Variants in PRPSAP2 observed in about 807,000 individuals in gnomAD.
The protein encoded by PRPSAP2 is phosphoribosyl pyrophosphate synthase-associated protein 2.
In PRPSAP2, 24 loss-of-function variants were observed where a neutral mutation model predicts 40.6. The ratio of observed to expected loss-of-function variants is 0.59; its 90% CI spans 0.43 to 0.83. The LOEUF (loss-of-function observed/expected upper bound fraction) is 0.83. Ranked by LOEUF, PRPSAP2 falls within the 40% of genes least tolerant of loss-of-function variation. PRPSAP2 has a pLI of 0.00. For synonymous variants in PRPSAP2, 149 were observed against 164.7 expected (o/e 0.90, Z 0.73); for missense variants, 292 against 465.6 (o/e 0.63, Z 3.43).
chr17:18,912,377 T>G (rs1344285717), intron 9 of PRPSAP2, among the ~76,000 whole-genome samples: 1 of 152,054 alleles, frequency 6.6e-6, no homozygotes, highest in Non-Finnish European at 1.5e-5. Context: ...GCCCTACCTC[T>G]TAATACCACC....
intron 8 of PRPSAP2, among the ~76,000 whole-genome samples, chr17:18,890,582 G>A (rs1217985326): frequency 6.6e-6 from 1 of 152,202 alleles, no homozygotes; most frequent in Non-Finnish European, 1.5e-5. Flanking sequence ...AAAGTGCTGG[G>A]ATTACAGGCA....
chr17:18,882,142 G>A (rs1013401427), intron 6 of PRPSAP2, among the ~76,000 whole-genome samples: 1 of 152,046 alleles, frequency 6.6e-6, no homozygotes, highest in Non-Finnish European at 1.5e-5. Flanking sequence ...CCCGGCTGGA[G>A]AGCAATTTTT....
rs114356772 is a variant in PRPSAP2, at chr17:18,874,071, G to A, written c.239+1422G>A. Among the ~76,000 whole-genome samples the A allele has an allele frequency of 3.9e-3, 597 of 152,020 alleles. 4 individuals are homozygous for A. Among genetic ancestry groups the A allele is most frequent in the African/African-American group, 0.014 (563 of 41,474 alleles). On this transcript the variant is annotated intron_variant, in intron 5 of 11. Transcript: ENST00000268835. ...AGGCATGCACCAGCATGCTCACCTC[G>A]TTTTTTCATTTTTTGTAGAGATGGA...
intron 11 of PRPSAP2, 34 bp from the exon 12 acceptor site, chr17:18,930,506 C>G (rs759046824): frequency 2.5e-6 from 4 of 1,599,172 alleles, no homozygotes; most frequent in Non-Finnish European, 2.6e-6. Flanking sequence ...ACTTGGCTTT[C>G]TGATGCTGTG....
intron 6 of PRPSAP2, among the ~76,000 whole-genome samples, chr17:18,880,399 T>G (rs2038643449): frequency 6.6e-6 from 1 of 152,200 alleles, no homozygotes; most frequent in African/African-American, 2.4e-5. Context: ...GCAGTTTGTC[T>G]TGATATCTTT....
At position 18,897,431 on chromosome 17, in the gene PRPSAP2, A is replaced by G. The variant is rs371802994; in HGVS notation, c.584+7554A>G. ...TTTAGGGTCCTTATTCTGCCATTCT[A>G]GAGTGGTGCTTCTCTATAGTGGTGT... On this transcript the variant is annotated intron_variant, in intron 8 of 11. Transcript: ENST00000268835. 6.3e-5 allele frequency among the ~76,000 whole-genome samples: 9 copies of G among 143,530 alleles called. No individual in the cohort carries two copies. In the East Asian group the frequency reaches 1.0e-3, roughly 16 times the overall value. The allele number at this position is 143,530 out of a possible 152,430, so 94.2% of individuals were successfully genotyped here.
Position 18,889,840 on chromosome 17 carries a change from G to A in PRPSAP2, c.547G>A (p.Ala183Thr). 2 of 1,610,178 alleles carry A rather than the reference G, an allele frequency of 1.2e-6. No homozygotes were observed. The highest frequency in any genetic ancestry group is 1.7e-6 in the Non-Finnish European group (2 of 1,178,090). Residue 183 changes from alanine to threonine, a missense_variant, in exon 8 of 12, where the codon GCA (alanine) becomes ACA (threonine). Ala to Thr is a moderately conservative substitution (Grantham distance 58). Coordinates refer to ENST00000268835, the MANE Select transcript of PRPSAP2 (RefSeq NM_002767.4). The stretch of plus-strand genomic sequence containing the variant: ...GTCACAGATCCCAGATTACAGGAAT[G>A]CAGTAATCGTGGCCAAGTCTCCAGC... ...IQEEIPDYRNAVIVAKSPASA... is the reference protein window; with the variant it reads ...IQEEIPDYRNTVIVAKSPASA...
At chr17:18,868,008 C>T (rs2037554019) in intron 4 of PRPSAP2, among the ~76,000 whole-genome samples, 1 of 151,802 alleles carries the variant, frequency 6.6e-6, no homozygotes, top group African/African-American at 2.4e-5. Flanking sequence ...TGGTGGTTTG[C>T]ACTTGTAGTC....
intron 9 of PRPSAP2, among the ~76,000 whole-genome samples, chr17:18,913,760 C>T (rs897825767): frequency 1.8e-4 from 27 of 151,274 alleles, no homozygotes; most frequent in Non-Finnish European, 3.4e-4. Context: ...GTTGCCCAGG[C>T]TGGTCTTGAA....
intron 9 of PRPSAP2, among the ~76,000 whole-genome samples, chr17:18,919,436 AG>A (rs1178092965): frequency 1.3e-5 from 2 of 152,032 alleles, no homozygotes; most frequent in South Asian, 2.1e-4. Context: ...TGAACCCAGG[AG>A]GCAGAGGTTG....
At chr17:18,907,071 T>G (rs2040641420) in intron 8 of PRPSAP2, among the ~76,000 whole-genome samples, 1 of 151,986 alleles carries the variant, frequency 6.6e-6, no homozygotes, top group African/African-American at 2.4e-5. Flanking sequence ...AATCCTTAAT[T>G]TTTTGTTTGT....
At chr17:18,867,198 T>C (rs963766288) in intron 3 of PRPSAP2, 84 bp from the exon 4 acceptor site, 21 of 1,292,438 alleles carry the variant, frequency 1.6e-5, no homozygotes, top group Non-Finnish European at 2.2e-5. Context: ...TTTACTCTTA[T>C]CGATTTACGA....
chr17:18,930,528 T>G lies in PRPSAP2; in HGVS notation c.952-12T>G. ...TTTCTGATGCTGTGGTTTTTTTTCT[T>G]TTGCTTCACAGGTGGTGGTCACCAA... On this transcript the variant is annotated splice_polypyrimidine_tract_variant and intron_variant, in intron 11 of 11. Transcript: ENST00000268835. 6.2e-7 allele frequency: 1 copy of G among 1,604,978 alleles called. No individual in the cohort carries two copies. The highest frequency in any genetic ancestry group is 2.2e-5 in the East Asian group (1 of 44,790).
At position 18,930,911 on chromosome 17, in the gene PRPSAP2, TC is replaced by T; in HGVS notation, c.*215del. 2.7e-6 allele frequency: 1 copy of T among 373,124 alleles called. No homozygotes were observed. The highest frequency in any genetic ancestry group is 4.7e-6 in the Non-Finnish European group (1 of 210,660). 23.1% of individuals were successfully genotyped at this position (373,124 alleles called of 1,614,324 possible). ...TTTTTATAAAAGAAAAACTTTATTC[TC>T]CTCTTTTGAAAAGGTAAGACCTCGT... On this transcript the variant is annotated 3_prime_UTR_variant, in exon 12 of 12. Transcript: ENST00000268835.
chr17:18,872,746 C>T, intron 5 of PRPSAP2, 97 bp downstream of exon 5: 2 of 949,868 alleles, frequency 2.1e-6, no homozygotes, highest in Middle Eastern at 2.2e-4. Context: ...TTATAATAGT[C>T]TTAAAATTAG....
chr17:18,922,744 G>T lies in PRPSAP2; in HGVS notation c.734-1170G>T, dbSNP rs185962674. Among the ~76,000 whole-genome samples the T allele has an allele frequency of 1.1e-4, 16 of 146,622 alleles. No homozygotes were observed. In the East Asian group the frequency reaches 3.2e-3, roughly 29 times the overall value. On this transcript the variant is annotated intron_variant, in intron 9 of 11. Transcript: ENST00000268835. The stretch of plus-strand genomic sequence containing the variant: ...GCTGGAGTGCAGTGGTGCAATCGTG[G>T]CTCACTGGAGCCTTGACCTCCCGGG...
intron 6 of PRPSAP2, among the ~76,000 whole-genome samples, chr17:18,880,458 G>T (rs1422426207): frequency 1.3e-5 from 2 of 152,054 alleles, no homozygotes; most frequent in Admixed American, 1.3e-4. Flanking sequence ...GGGTGCAGTG[G>T]TGTGATCACT....
chr17:18,911,971 T>C lies in PRPSAP2; in HGVS notation c.733+720T>C, dbSNP rs1012251618. ...GCCGAGGCGGGTGAATCACCTGAGGTCAGGAGTTCGAGACCAGCCTGATCC... is the reference window on the plus strand; with the variant it reads ...GCCGAGGCGGGTGAATCACCTGAGGCCAGGAGTTCGAGACCAGCCTGATCC... On this transcript the variant is annotated intron_variant, in intron 9 of 11. Transcript: ENST00000268835. This position sits in a 1 kb window ranked among gnomAD's most constrained non-coding sequence, Gnocchi z 4.5. Among the ~76,000 whole-genome samples the C allele has an allele frequency of 4.6e-5, 7 of 151,724 alleles. No homozygotes were observed. Among genetic ancestry groups the C allele is most frequent in the African/African-American group, 1.5e-4 (6 of 41,246 alleles).
chr17:18,899,397 T>C (rs547425819), intron 8 of PRPSAP2, among the ~76,000 whole-genome samples: 2 of 152,112 alleles, frequency 1.3e-5, no homozygotes, highest in Non-Finnish European at 2.9e-5. Context: ...CAGCCATTGT[T>C]CTCTCTGTTG....
Sources: gnomAD v4.1 joint callset for allele counts (sites outside exome capture counted in the v4.1 genomes callset) on GRCh38, gnomAD v4.1.1 for gene constraint, Gnocchi (gnomAD v3.1) non-coding constraint, MANE v1.5 for transcripts, NCBI Gene and HGNC (gene_info 2026-07-23, HGNC 2026-07-21) for gene names.